Variants in BIRC6 observed in about 807,000 individuals in gnomAD.
BIRC6 encodes the protein dual E2 ubiquitin-conjugating enzyme/E3 ubiquitin-protein ligase BIRC6.
In BIRC6, 98 loss-of-function variants were observed where a neutral mutation model predicts 503.3. The observed-to-expected ratio is 0.19, with a 90% CI of 0.17 to 0.23. The LOEUF is 0.23. Ranked by LOEUF, BIRC6 falls within the 10% of genes least tolerant of loss-of-function variation. The probability of loss-of-function intolerance (pLI) is 1.00; values close to 1 mark genes in which losing one functional copy is unlikely to be tolerated. For synonymous variants in BIRC6, 2,240 were observed against 2,078.7 expected, an observed-to-expected ratio of 1.08 and a Z score of -2.11; for missense variants, 5,360 against 5,806.0, an observed-to-expected ratio of 0.92 and a Z score of 2.50.
At chr2:32,506,378 T>A (rs1178984248) in intron 50 of BIRC6, among the ~76,000 whole-genome samples, 3 of 152,224 alleles carry the variant, frequency 2.0e-5, no homozygotes, top group Non-Finnish European at 2.9e-5. Context: ...CTTAATTACT[T>A]GTGGCATCCA....
At chr2:32,563,211 A>C (rs1213917987) in intron 65 of BIRC6, 1 of 152,198 alleles carries the variant, frequency 6.6e-6, no homozygotes, top group Non-Finnish European at 1.5e-5. Context: ...TACTATGTGC[A>C]CTACTTTGCT....
At chr2:32,397,639 T>C (rs982871668) in intron 6 of BIRC6, among the ~76,000 whole-genome samples, 14 of 142,154 alleles carry the variant, frequency 9.8e-5, no homozygotes, top group South Asian at 2.3e-4. Context: ...TGTATATATA[T>C]ACACACACAC....
At chr2:32,614,844 G>T (rs1056817305) in intron 73 of BIRC6, among the ~76,000 whole-genome samples, 20 of 151,964 alleles carry the variant, frequency 1.3e-4, no homozygotes, top group African/African-American at 4.6e-4. Flanking sequence ...AAAAATAAAT[G>T]AAAAGTATGT....
intron 61 of BIRC6, among the ~76,000 whole-genome samples, chr2:32,540,892 T>C (rs1434474927): frequency 6.6e-6 from 1 of 152,030 alleles, no homozygotes; most frequent in African/African-American, 2.4e-5. Flanking sequence ...ATTGTATACA[T>C]ATCTAATATA....
chr2:32,513,334 G>A (rs891631502), intron 54 of BIRC6, among the ~76,000 whole-genome samples, 180 bp downstream of exon 54: 10 of 152,200 alleles, frequency 6.6e-5, no homozygotes, highest in African/African-American at 1.9e-4. Context: ...TGTGTTTTAA[G>A]AAGATATGTT....
chr2:32,435,558 C>T lies in BIRC6; in HGVS notation c.3472C>T (p.Gln1158Ter). 1 of 1,554,872 alleles carries T rather than the reference C, an allele frequency of 6.4e-7. No individual in the cohort carries two copies. The highest frequency in any genetic ancestry group is 8.7e-7 in the Non-Finnish European group (1 of 1,148,130). ...PSLVDLNEEMQHMDVEESQCL... is the reference protein window; with the variant it reads ...PSLVDLNEEM ...CCTGGTTGATTTGAATGAAGAAATGCAGCACATGGATGTAGAGGAATCACA... is the reference window on the plus strand; with the variant it reads ...CCTGGTTGATTTGAATGAAGAAATGTAGCACATGGATGTAGAGGAATCACA... The change falls in exon 14 of 74, where the codon CAG becomes TAG. Residue 1158 changes from glutamine to a stop codon, truncating the protein, a stop_gained. Coordinates refer to ENST00000421745, the MANE Select transcript of BIRC6 (RefSeq NM_016252.4). LOFTEE classifies it high-confidence loss of function.
intron 21 of BIRC6, 87 bp from the exon 22 acceptor site, chr2:32,448,708 G>A (rs2046364127): frequency 3.1e-6 from 4 of 1,280,726 alleles, no homozygotes; most frequent in Non-Finnish European, 4.4e-6. Context: ...TGCGCTGTTA[G>A]TCAGACTGCT....
At chr2:32,476,531 T>G (rs767756031) in intron 34 of BIRC6, among the ~76,000 whole-genome samples, 187 bp downstream of exon 34, 2 of 152,158 alleles carry the variant, frequency 1.3e-5, no homozygotes, top group Non-Finnish European at 2.9e-5. Context: ...TAAGTATTAT[T>G]GTAATGTATT....
At chr2:32,384,517 A>G (rs2038163306) in intron 3 of BIRC6, among the ~76,000 whole-genome samples, 1 of 152,200 alleles carries the variant, frequency 6.6e-6, no homozygotes, top group African/African-American at 2.4e-5. Context: ...AGGTAAATGC[A>G]TACCTAGAAT....
intron 65 of BIRC6, chr2:32,563,640 G>A (rs1222137221): frequency 6.6e-6 from 1 of 152,178 alleles, no homozygotes; most frequent in Non-Finnish European, 1.5e-5. Flanking sequence ...AAAAATTTTA[G>A]TGACAGCTTT....
chr2:32,476,801 G>T (rs777594314), intron 34 of BIRC6, among the ~76,000 whole-genome samples: 1 of 152,188 alleles, frequency 6.6e-6, no homozygotes, highest in Non-Finnish European at 1.5e-5. Flanking sequence ...TTTGGGTCCA[G>T]TGGTGCTCAC....
At chr2:32,478,609 G>A (rs2050036209) in intron 35 of BIRC6, 26 bp from the exon 36 acceptor site, 1 of 1,588,020 alleles carries the variant, frequency 6.3e-7, no homozygotes, top group South Asian at 1.1e-5. Flanking sequence ...CTATTTAAGT[G>A]TATGATTTTA....
intron 65 of BIRC6, chr2:32,565,103 G>T (rs1383278037): frequency 2.0e-5 from 3 of 152,156 alleles, no homozygotes; most frequent in African/African-American, 7.2e-5. Context: ...GTTTCACTGG[G>T]GATCTGATCT....
intron 15 of BIRC6, among the ~76,000 whole-genome samples, chr2:32,437,180 G>T (rs1055601556): frequency 6.6e-6 from 1 of 152,074 alleles, no homozygotes; most frequent in African/African-American, 2.4e-5. Context: ...GTAAGCCACC[G>T]CTCCAGGCCA....
chr2:32,567,291 T>TA (rs928699668), intron 65 of BIRC6, among the ~76,000 whole-genome samples: 8 of 152,154 alleles, frequency 5.3e-5, no homozygotes, highest in Non-Finnish European at 8.8e-5. Context: ...TATGCTTTTT[T>TA]AAAAAAATGT....
At chr2:32,390,276 T>G (rs2039046722) in intron 4 of BIRC6, among the ~76,000 whole-genome samples, 1 of 152,208 alleles carries the variant, frequency 6.6e-6, no homozygotes, top group Admixed American at 6.5e-5. Context: ...GTTCATGCCA[T>G]TCTCCTGCCT....
chr2:32,424,518 CTT>C (rs1269375768), intron 10 of BIRC6, among the ~76,000 whole-genome samples: 6 of 141,032 alleles, frequency 4.3e-5, no homozygotes, highest in Admixed American at 7.1e-5. Context: ...ATGTTCAACC[CTT>C]TTTTTTTTTT....
Position 32,575,342 on chromosome 2 carries a change from T to A in BIRC6, c.13331T>A (p.Val4444Asp). 1 of 1,614,044 alleles carries A rather than the reference T, an allele frequency of 6.2e-7. No individual in the cohort carries two copies. The highest frequency in any genetic ancestry group is 8.5e-7 in the Non-Finnish European group (1 of 1,179,884). ...TTGTTAGCCAAAATGAAGACCTGTG[T>A]TGATACCTATACCAACCGTTTAAGG... is the stretch of plus-strand genomic sequence containing the variant. Reference protein sequence around the residue: ...GTLLAKMKTCVDTYTNRLRSK... With the variant: ...GTLLAKMKTCDDTYTNRLRSK... Residue 4444 changes from valine (V) to aspartate (D), a missense_variant, in exon 66 of 74, where the codon GTT (valine) becomes GAT (aspartate). Val to Asp is a radical substitution (Grantham distance 152). This residue lies in a region of BIRC6 where 477 missense variants were observed against 574.4 expected (regional missense o/e 0.83). Coordinates refer to ENST00000421745, the MANE Select transcript of BIRC6 (RefSeq NM_016252.4).
At chr2:32,510,175 ATC>A (rs1362836315) in intron 52 of BIRC6, among the ~76,000 whole-genome samples, 181 bp downstream of exon 52, 2 of 152,080 alleles carry the variant, frequency 1.3e-5, no homozygotes. Context: ...CAGTGGCGCA[ATC>A]TTGGCTCACT....
Sources: allele counts gnomAD v4.1 joint callset (sites outside exome capture counted in the v4.1 genomes callset), GRCh38; gene constraint gnomAD v4.1.1; regional missense constraint gnomAD v4.1.1; transcripts MANE v1.5; gene names NCBI Gene and HGNC (gene_info 2026-07-23, HGNC 2026-07-21).